CCDC32: variants seen among roughly 807,000 people sequenced by gnomAD.
CCDC32 encodes coiled-coil domain-containing protein 32.
A neutral mutation model predicts 20.1 loss-of-function variants in CCDC32; 9 were observed. The ratio of observed to expected loss-of-function variants is 0.45; its 90% CI spans 0.27 to 0.78. The LOEUF is 0.78. CCDC32 is among the 30% of genes least tolerant of loss of function. CCDC32 has a pLI of 0.16. For missense variants in CCDC32, 204 were observed against 215.5 expected (o/e 0.95, Z 0.33); for synonymous variants, 63 against 79.0 (o/e 0.80, Z 1.07).
intron 3 of CCDC32, among the ~76,000 whole-genome samples, chr15:40,555,335 A>T (rs140231894): frequency 6.6e-6 from 1 of 152,254 alleles, no homozygotes; most frequent in African/African-American, 2.4e-5. Flanking sequence ...ATTATTTTAC[A>T]TATTGATAAA....
intron 3 of CCDC32, among the ~76,000 whole-genome samples, chr15:40,555,938 A>T (rs1566983913): frequency 1.3e-5 from 2 of 152,236 alleles, no homozygotes; most frequent in South Asian, 4.1e-4. Flanking sequence ...AGGAAGGATA[A>T]TATTAGTAAC....
chr15:40,553,156 G>A lies in CCDC32; in HGVS notation c.*815C>T. On this transcript the variant is annotated 3_prime_UTR_variant, in exon 4 of 4. Coordinates refer to ENST00000416810, the MANE Select transcript of CCDC32 (RefSeq NM_001080792.4). ...TACTGATCATGAACACAATAAACAG[G>A]GAGGGAAGCTCGGGCTCAGCCAGGA... 1 of 985,442 alleles carries A rather than the reference G, an allele frequency of 1.0e-6. No homozygotes were observed. The highest frequency in any genetic ancestry group is 1.2e-6 in the Non-Finnish European group (1 of 829,968). 61.0% of individuals were successfully genotyped at this position (985,442 alleles called of 1,614,324 possible). A position where few individuals can be genotyped will look rare whatever the true frequency, so the allele number is the denominator to read the frequency against.
At chr15:40,534,814 C>A, downstream of CCDC32, 1 of 690,064 alleles carries the variant, frequency 1.4e-6, no homozygotes, top group Non-Finnish European at 2.6e-6. Flanking sequence ...TATACCATCA[C>A]ATCAGGATTA....
At chr15:40,559,488 A>G (rs567004634) in intron 2 of CCDC32, among the ~76,000 whole-genome samples, 1 of 152,248 alleles carries the variant, frequency 6.6e-6, no homozygotes, top group Admixed American at 6.5e-5. Flanking sequence ...CCTTATCATC[A>G]TTAAACAGAT....
chr15:40,562,665 A>G (rs1437460906), intron 2 of CCDC32, 107 bp downstream of exon 2: 2 of 1,294,356 alleles, frequency 1.5e-6, no homozygotes, highest in East Asian at 4.6e-5. Context: ...CCTTGGAATT[A>G]TATCTGACAG....
chr15:40,539,193 C>T, downstream of CCDC32: 1 of 1,490,392 alleles, frequency 6.7e-7, no homozygotes, highest in East Asian at 2.5e-5. Flanking sequence ...AAAGGTCAAT[C>T]CCACATGGTT....
downstream of CCDC32, among the ~76,000 whole-genome samples, chr15:40,530,053 A>G (rs1050158334): frequency 6.6e-6 from 1 of 151,058 alleles, no homozygotes; most frequent in Admixed American, 6.6e-5. Context: ...GCGTTTTGGG[A>G]GACCAAGGTG....
Position 40,545,864 on chromosome 15 carries a change from T to C in CCDC32, c.402-6509A>G, listed in dbSNP as rs544521764. The stretch of plus-strand genomic sequence containing the variant: ...AAATGCTCCCATATCCACTTCTCTC[T>C]AGCCTTGCCGCCACACCTCATTCAT... On this transcript the variant is annotated intron_variant, in intron 3 of 3. Transcript: ENST00000558113. 1.9e-4 allele frequency among the ~76,000 whole-genome samples: 29 copies of C among 152,352 alleles called. No homozygotes were observed. In the East Asian group the frequency reaches 5.0e-3, roughly 26 times the overall value.
At chr15:40,558,650 G>A (rs546876065) in intron 2 of CCDC32, among the ~76,000 whole-genome samples, 5 of 152,094 alleles carry the variant, frequency 3.3e-5, no homozygotes, top group African/African-American at 1.2e-4. Flanking sequence ...CCCTTCTGCC[G>A]CTGTCTCCCA....
At chr15:40,562,381 C>G (rs1225262314) in intron 2 of CCDC32, among the ~76,000 whole-genome samples, 2 of 152,038 alleles carry the variant, frequency 1.3e-5, no homozygotes, top group South Asian at 2.1e-4. Context: ...CGAGACCAGC[C>G]TAGCCAACAT....
chr15:40,530,277 G>A (rs1392637774), downstream of CCDC32, among the ~76,000 whole-genome samples: 1 of 125,002 alleles, frequency 8.0e-6, no homozygotes, highest in Non-Finnish European at 1.7e-5. Flanking sequence ...TGGGCAACGA[G>A]CGAAACTACA....
chr15:40,533,886 G>T (rs550531196), downstream of CCDC32, among the ~76,000 whole-genome samples: 1 of 151,954 alleles, frequency 6.6e-6, no homozygotes, highest in African/African-American at 2.4e-5. Flanking sequence ...AACACATGAA[G>T]AAATCAAATT....
chr15:40,535,477 G>A (rs1889069781), downstream of CCDC32: 1 of 988,132 alleles, frequency 1.0e-6, no homozygotes, highest in African/African-American at 1.7e-5. Context: ...ATATTTTGAA[G>A]GAGTTTTTCC....
chr15:40,530,361 G>A (rs1404359219), downstream of CCDC32, among the ~76,000 whole-genome samples: 1 of 150,690 alleles, frequency 6.6e-6, no homozygotes, highest in East Asian at 1.9e-4. Flanking sequence ...TGGGTCATGG[G>A]AGCAGATGCC....
At chr15:40,534,922 T>A, downstream of CCDC32, 1 of 702,524 alleles carries the variant, frequency 1.4e-6, no homozygotes, top group South Asian at 1.5e-5. Flanking sequence ...TGGAGTCAGA[T>A]GTCAGGGTCT....
intron 2 of CCDC32, among the ~76,000 whole-genome samples, chr15:40,559,865 G>T (rs1023484881): frequency 2.6e-5 from 4 of 152,094 alleles, no homozygotes; most frequent in Non-Finnish European, 5.9e-5. Flanking sequence ...AAATGGTTCT[G>T]GGAAAACTGG....
downstream of CCDC32, chr15:40,534,440 C>G (rs1185217441): frequency 6.3e-6 from 1 of 157,502 alleles, no homozygotes; most frequent in African/African-American, 2.4e-5. Context: ...CAAATATGTT[C>G]TTCTTCACAG....
At chr15:40,543,236 C>T (rs1011031004) in intron 3 of CCDC32, among the ~76,000 whole-genome samples, 15 of 152,236 alleles carry the variant, frequency 9.9e-5, no homozygotes, top group African/African-American at 3.6e-4. Flanking sequence ...TCTAACCTCC[C>T]CAGTGGTCAT....
At chr15:40,554,201 C>T (rs1392228109) in intron 3 of CCDC32, 74 bp from the exon 4 acceptor site, 35 of 1,530,982 alleles carry the variant, frequency 2.3e-5, no homozygotes, top group Non-Finnish European at 3.0e-5. Flanking sequence ...ATCTCAGTTA[C>T]TCAAACACTA....
Sources: gnomAD v4.1 joint callset for allele counts (sites outside exome capture counted in the v4.1 genomes callset) on GRCh38, gnomAD v4.1.1 for gene constraint, MANE v1.5 for transcripts, NCBI Gene and HGNC (gene_info 2026-07-23, HGNC 2026-07-21) for gene names.